Variants in ABHD6 observed in about 807,000 individuals in gnomAD.
ABHD6 encodes the protein monoacylglycerol lipase ABHD6.
Under a neutral mutation model 38.8 loss-of-function variants are expected in ABHD6, and 33 were observed. The ratio of observed to expected loss-of-function variants is 0.85; its 90% CI spans 0.64 to 1.14. The LOEUF (loss-of-function observed/expected upper bound fraction) is 1.14. Ranked by LOEUF, ABHD6 falls within the 50% of genes most tolerant of loss-of-function variation. The probability of loss-of-function intolerance (pLI) is 0.00; values close to 1 mark genes in which losing one functional copy is unlikely to be tolerated. For missense variants in ABHD6, 380 were observed against 422.6 expected (o/e 0.90, Z 0.88); for synonymous variants, 147 against 161.6 (o/e 0.91, Z 0.69).
At chr3:58,280,176 A>G (rs894316035) in intron 7 of ABHD6, among the ~76,000 whole-genome samples, 3 of 152,180 alleles carry the variant, frequency 2.0e-5, no homozygotes, top group African/African-American at 7.2e-5. Context: ...TAATATCCTG[A>G]AGAGTGTTTT....
At position 58,274,684 on chromosome 3, in the gene ABHD6, T is replaced by C. The variant is rs1233737886; in HGVS notation, c.550T>C (p.Phe184Leu). The C allele has an allele frequency of 6.2e-7, 1 of 1,614,212 alleles. No individual in the cohort carries two copies. Among genetic ancestry groups the C allele is most frequent in the East Asian group, 2.2e-5 (1 of 44,882 alleles). ...AGLQYSTDNQ[F>L]VQRLKELQGS... ...CCTGCAGTACTCAACTGACAATCAA[T>C]TTGTACAACGGCTCAAAGAACTGCA... The change falls in exon 7 of 10, where the codon TTT becomes CTT. Residue 184 changes from phenylalanine (F) to leucine (L), a missense_variant. By Grantham distance (22) the Phe-to-Leu change is conservative. Coordinates refer to ENST00000478253, the MANE Select transcript of ABHD6 (RefSeq NM_001320126.2).
At chr3:58,289,886 C>T (rs1442817377) in intron 9 of ABHD6, among the ~76,000 whole-genome samples, 3 of 146,390 alleles carry the variant, frequency 2.0e-5, no homozygotes, top group Admixed American at 6.6e-5. Context: ...ACCTCCCTCC[C>T]GGACGGGGTG....
chr3:58,292,367 A>G (rs2097463864), intron 9 of ABHD6, among the ~76,000 whole-genome samples: 1 of 152,210 alleles, frequency 6.6e-6, no homozygotes, highest in Non-Finnish European at 1.5e-5. Context: ...CCTCTTGTCT[A>G]GGATGAATTG....
rs2097456082 is a variant in ABHD6, at chr3:58,285,270, A to G, written c.737-83A>G. 4 of 1,527,022 alleles carry G rather than the reference A, an allele frequency of 2.6e-6. No individual in the cohort carries two copies. Among genetic ancestry groups the G allele is most frequent in the Non-Finnish European group, 3.6e-6 (4 of 1,101,342 alleles). 94.6% of individuals were successfully genotyped at this position (1,527,022 alleles called of 1,614,324 possible). A position where few individuals can be genotyped will look rare whatever the true frequency, so the allele number is the denominator to read the frequency against. ...CTGAAGAGAGGAAGTGGTGGCCTGG[A>G]TCTGGTGACTATCCCTTGATTCTGC... is the stretch of plus-strand genomic sequence containing the variant. On this transcript the variant is annotated intron_variant, in intron 8 of 9. Coordinates refer to ENST00000478253, the MANE Select transcript of ABHD6 (RefSeq NM_001320126.2). The surrounding 1 kb of genome is among the most constrained non-coding windows in gnomAD (Gnocchi z 4.9).
chr3:58,272,272 G>C (rs1009384180), intron 6 of ABHD6, among the ~76,000 whole-genome samples: 1 of 152,180 alleles, frequency 6.6e-6, no homozygotes, highest in South Asian at 2.1e-4. Flanking sequence ...AATTACATTA[G>C]TGCCAAAACC....
At position 58,256,076 on chromosome 3, in the gene ABHD6, A is replaced by AACACACACACACAC. The variant is rs769155755; in HGVS notation, c.-25-466_-25-453dup. 2.0e-4 allele frequency among the ~76,000 whole-genome samples: 13 copies of AACACACACACACAC among 65,536 alleles called. No homozygotes were observed. Among genetic ancestry groups the AACACACACACACAC allele is most frequent in the African/African-American group, 1.1e-3 (11 of 9,788 alleles). The allele number at this position is 65,536 out of a possible 152,430, so 43.0% of individuals were successfully genotyped here. ...TATTTCTCTCTCTTTTCCTCCCACC[A>AACACACACACACAC]ACACACACACACACACACACACACA... is the stretch of plus-strand genomic sequence containing the variant. On this transcript the variant is annotated intron_variant, in intron 2 of 9. Transcript: ENST00000478253. The surrounding 1 kb of genome is among the most constrained non-coding windows in gnomAD (Gnocchi z 4.3).
chr3:58,244,393 T>C (rs1010105923), intron 1 of ABHD6, among the ~76,000 whole-genome samples: 1 of 152,186 alleles, frequency 6.6e-6, no homozygotes, highest in African/African-American at 2.4e-5. Context: ...TTCTTTATGA[T>C]AGCACAGTGA....
chr3:58,293,441 C>A lies in ABHD6; in HGVS notation c.838-148C>A. Reference sequence around the variant, plus strand: ...TTACTTCCATTCAGACAGCCACAAGCCCCAACACCAAAGGGACTTGGTCCT... The same window carrying A: ...TTACTTCCATTCAGACAGCCACAAGACCCAACACCAAAGGGACTTGGTCCT... On this transcript the variant is annotated intron_variant, in intron 9 of 9. Coordinates refer to ENST00000478253, the MANE Select transcript of ABHD6 (RefSeq NM_001320126.2). The surrounding 1 kb of genome is among the most constrained non-coding windows in gnomAD (Gnocchi z 4.4). 1.3e-6 allele frequency: 1 copy of A among 752,204 alleles called. No homozygotes were observed. The highest frequency in any genetic ancestry group is 2.1e-6 in the Non-Finnish European group (1 of 475,376). 46.6% of individuals were successfully genotyped at this position (752,204 alleles called of 1,614,324 possible). A position where few individuals can be genotyped will look rare whatever the true frequency, so the allele number is the denominator to read the frequency against.
intron 7 of ABHD6, among the ~76,000 whole-genome samples, chr3:58,280,387 T>C (rs1287356910): frequency 6.6e-6 from 1 of 152,212 alleles, no homozygotes; most frequent in Admixed American, 6.5e-5. Flanking sequence ...AAATTGGCTA[T>C]TGAAGCTTGT....
At chr3:58,286,864 A>G (rs1232194969) in intron 9 of ABHD6, among the ~76,000 whole-genome samples, 88 of 121,858 alleles carry the variant, frequency 7.2e-4, no homozygotes, top group East Asian at 2.4e-3. Flanking sequence ...ATATATATAT[A>G]TATATGTATA....
rs2097443472 is a variant in ABHD6 at position 58,269,721 on chromosome 3, T to C, written c.390+287T>C. ...GGGGTTTAGAATTTCTTAAAACCAA[T>C]TCCCTTCCTAGGGATCTCTCTTTCT... On this transcript the variant is annotated intron_variant, in intron 5 of 9. Coordinates refer to ENST00000478253, the MANE Select transcript of ABHD6 (RefSeq NM_001320126.2). This position sits in a 1 kb window ranked among gnomAD's most constrained non-coding sequence, Gnocchi z 4.4. Among the ~76,000 whole-genome samples, 1 of 152,238 alleles carries C rather than the reference T, an allele frequency of 6.6e-6. No individual in the cohort carries two copies. Among genetic ancestry groups the C allele is most frequent in the African/African-American group, 2.4e-5 (1 of 41,468 alleles).
At chr3:58,278,694 G>C (rs1256927187) in intron 7 of ABHD6, among the ~76,000 whole-genome samples, 1 of 152,108 alleles carries the variant, frequency 6.6e-6, no homozygotes, top group African/African-American at 2.4e-5. Context: ...TGTGATGTTA[G>C]GGTGTCAATT....
At chr3:58,248,686 G>A (rs1432393788) in intron 1 of ABHD6, among the ~76,000 whole-genome samples, 15 of 152,036 alleles carry the variant, frequency 9.9e-5, no homozygotes, top group Non-Finnish European at 1.5e-4. Flanking sequence ...CAACAAGAGC[G>A]AAACTCTATC....
intron 1 of ABHD6, among the ~76,000 whole-genome samples, chr3:58,242,674 T>C (rs2097423622): frequency 6.6e-6 from 1 of 152,238 alleles, no homozygotes; most frequent in African/African-American, 2.4e-5. Context: ...AGACTTGTTT[T>C]TGAGGAGCTT....
chr3:58,264,407 A>G (rs879423432), intron 3 of ABHD6, among the ~76,000 whole-genome samples: 2,211 of 127,214 alleles, frequency 0.017, 49 homozygotes, highest in Non-Finnish European at 0.022. Context: ...ACACACACAC[A>G]CACACACACA....
intron 6 of ABHD6, 25 bp downstream of exon 6, chr3:58,271,089 C>T: frequency 1.3e-6 from 2 of 1,570,974 alleles, no homozygotes; most frequent in Non-Finnish European, 1.7e-6. Flanking sequence ...TGAAACATCC[C>T]TCGGCAGGGA....
intron 7 of ABHD6, among the ~76,000 whole-genome samples, chr3:58,279,557 G>A (rs9818717): frequency 0.032 from 4,895 of 152,204 alleles, 264 homozygotes; most frequent in African/African-American, 0.11. Context: ...TTGCCAGTCT[G>A]TGTCTTTTAA....
intron 2 of ABHD6, among the ~76,000 whole-genome samples, chr3:58,254,867 CACACACACACACACACAT>C (rs1033771162): frequency 4.0e-5 from 6 of 150,860 alleles, no homozygotes; most frequent in African/African-American, 1.5e-4. Context: ...CACACACACA[CACACACACACACACACAT>C]ATATATATAT....
chr3:58,290,018 G>A (rs1321669118), intron 9 of ABHD6, among the ~76,000 whole-genome samples: 5 of 140,166 alleles, frequency 3.6e-5, no homozygotes, highest in Admixed American at 1.4e-4. Context: ...CCTCCCGGAC[G>A]GGGCGGCTGG....
Sources: gnomAD v4.1 joint callset for allele counts (sites outside exome capture counted in the v4.1 genomes callset) on GRCh38, gnomAD v4.1.1 for gene constraint, Gnocchi (gnomAD v3.1) non-coding constraint, MANE v1.5 for transcripts, NCBI Gene and HGNC (gene_info 2026-07-23, HGNC 2026-07-21) for gene names.